Variants in MLLT6 observed in about 807,000 individuals in gnomAD.
The protein encoded by MLLT6 is MLLT6, PHD finger containing, also known as protein AF-17.
A neutral mutation model predicts 103.0 loss-of-function variants in MLLT6; 22 were observed. The observed-to-expected ratio is 0.21, with a 90% CI of 0.15 to 0.31. The LOEUF (loss-of-function observed/expected upper bound fraction) is 0.31. MLLT6 is among the 10% of genes least tolerant of loss of function. The pLI is 1.00. For missense variants in MLLT6, 1,199 were observed against 1,441.7 expected (o/e 0.83, Z 2.73); for synonymous variants, 606 against 623.5 (o/e 0.97, Z 0.42).
chr17:38,715,757 G>A lies in MLLT6; in HGVS notation c.965G>A (p.Ser322Asn), dbSNP rs1905310602. 6.2e-7 allele frequency: 1 copy of A among 1,613,870 alleles called. No individual in the cohort carries two copies. The highest frequency in any genetic ancestry group is 8.5e-7 in the Non-Finnish European group (1 of 1,179,948). Residue 322 changes from serine (S) to asparagine (N), a missense_variant, in exon 9 of 20, where the codon AGC becomes AAC. Physicochemically the swap from Ser to Asn is conservative, Grantham distance 46. Transcript: ENST00000621332. ...AAACTGAGCAGTGGGAAAGGTGTGA[G>A]CAGTTTTACCTCCGCCTCCTCTTCT... ...GKKLSSGKGV[S>N]SFTSASSSSS...
Position 38,716,647 on chromosome 17 carries a change from A to G in MLLT6, c.1317A>G (p.Ala439=). ...ACGTCACGGGGTCTGGGGCCTCGGC[A>G]GGCACCCACAAACGGATGCCCGCAC... ...SPHVTGSGAS[A]GTHKRMPALS... The change falls in exon 10 of 20, where the codon GCA becomes GCG. Residue 439 remains alanine, a synonymous_variant. Transcript: ENST00000621332. The surrounding 1 kb of genome is among the most constrained non-coding windows in gnomAD (Gnocchi z 5.6). 1 of 1,613,714 alleles carries G rather than the reference A, an allele frequency of 6.2e-7. No individual in the cohort carries two copies. Among genetic ancestry groups the G allele is most frequent in the Non-Finnish European group, 8.5e-7 (1 of 1,179,918 alleles).
At chr17:38,725,061 T>G in intron 19 of MLLT6, 85 bp downstream of exon 19, 1 of 1,023,194 alleles carries the variant, frequency 9.8e-7, no homozygotes, top group Admixed American at 2.9e-5. Context: ...ATCAGGTACC[T>G]CAGCAGGGGG....
chr17:38,709,169 G>A lies in MLLT6; in HGVS notation c.355-4G>A, dbSNP rs1184313178. The A allele has an allele frequency of 5.0e-6, 8 of 1,610,168 alleles. No homozygotes were observed. Among genetic ancestry groups the A allele is most frequent in the South Asian group, 1.1e-5 (1 of 90,810 alleles). Reference sequence around the variant, plus strand: ...GGAGGGGACGATTGCGCTGTGTCCTGCAGACCTGTTACATCTGCGAGGAGC... The same window carrying A: ...GGAGGGGACGATTGCGCTGTGTCCTACAGACCTGTTACATCTGCGAGGAGC... On this transcript the variant is annotated splice_polypyrimidine_tract_variant and splice_region_variant and intron_variant, in intron 4 of 19. Transcript: ENST00000621332. This position sits in a 1 kb window ranked among gnomAD's most constrained non-coding sequence, Gnocchi z 4.3.
At chr17:38,720,197 C>G in intron 14 of MLLT6, 175 bp from the exon 15 acceptor site, 1 of 718,030 alleles carries the variant, frequency 1.4e-6, no homozygotes, top group Non-Finnish European at 2.3e-6. Flanking sequence ...CAGGTCTTCA[C>G]ACCTGTGGCT....
rs1198105571 is a variant in MLLT6 at position 38,728,382 on chromosome 17, G to A, written c.*2784G>A. ...GGGACCCAGATTTGTAGATCTCTTT[G>A]TCTGGGGGAGGGGAAGGATGTGGTT... On this transcript the variant is annotated 3_prime_UTR_variant, in exon 20 of 20. Coordinates refer to ENST00000621332, the MANE Select transcript of MLLT6 (RefSeq NM_005937.4). The A allele has an allele frequency of 1.3e-5, 3 of 233,220 alleles. No homozygotes were observed. The highest frequency in any genetic ancestry group is 6.6e-5 in the African/African-American group (3 of 45,316). 14.4% of individuals were successfully genotyped at this position (233,220 alleles called of 1,614,324 possible).
At chr17:38,719,975 T>C in intron 14 of MLLT6, 80 bp downstream of exon 14, 1 of 1,472,536 alleles carries the variant, frequency 6.8e-7, no homozygotes, top group South Asian at 1.3e-5. Context: ...CCCAAGCTTC[T>C]TTAAGGTTCC....
chr17:38,711,786 G>A, intron 6 of MLLT6, 61 bp from the exon 7 acceptor site: 1 of 1,455,328 alleles, frequency 6.9e-7, no homozygotes, highest in Non-Finnish European at 9.1e-7. Flanking sequence ...CTAACCTTCT[G>A]GAAGCGTTCC....
intron 6 of MLLT6, among the ~76,000 whole-genome samples, chr17:38,711,560 A>G (rs988340245): frequency 6.6e-6 from 1 of 152,118 alleles, no homozygotes; most frequent in Admixed American, 6.5e-5. Context: ...CCCGGGCCCC[A>G]GTCTCACCTC....
intron 8 of MLLT6, 50 bp downstream of exon 8, chr17:38,712,839 G>A (rs1370861071): frequency 1.4e-6 from 2 of 1,404,836 alleles, no homozygotes; most frequent in Non-Finnish European, 2.0e-6. Flanking sequence ...TGGGGTGGCA[G>A]AGGGAGGGAG....
At position 38,722,770 on chromosome 17, in the gene MLLT6, T is replaced by G. The variant is rs777531674; in HGVS notation, c.2883+2T>G. Reference sequence around the variant, plus strand: ...CTGGCCTCCCCGCAGCTGACCCCGGTAATGCCCCTCCCTTCCCTGCCTCAG... The same window carrying G: ...CTGGCCTCCCCGCAGCTGACCCCGGGAATGCCCCTCCCTTCCCTGCCTCAG... On this transcript the variant is annotated splice_donor_variant, in intron 18 of 19. Transcript: ENST00000621332. LOFTEE classifies it high-confidence loss of function. The G allele has an allele frequency of 6.3e-7, 1 of 1,579,672 alleles. No homozygotes were observed. Among genetic ancestry groups the G allele is most frequent in the South Asian group, 1.1e-5 (1 of 90,594 alleles).
Position 38,716,066 on chromosome 17 carries a change from C to G in MLLT6, c.1036+238C>G. On this transcript the variant is annotated intron_variant, in intron 9 of 19. Transcript: ENST00000621332. This position sits in a 1 kb window ranked among gnomAD's most constrained non-coding sequence, Gnocchi z 5.6. ...AACCTCATAACAGTATTCCTTATCC[C>G]CTACATTTGTGCTGCAAGGTACAAT... 3.3e-6 allele frequency: 2 copies of G among 603,694 alleles called. No homozygotes were observed. Among genetic ancestry groups the G allele is most frequent in the Non-Finnish European group, 5.8e-6 (2 of 342,922 alleles). The allele number at this position is 603,694 out of a possible 1,614,324, so 37.4% of individuals were successfully genotyped here.
Position 38,717,500 on chromosome 17 carries a change from CCT to C in MLLT6, c.1726_1727del (p.Ser576LeufsTer45). ...GATGCTGCGGGCTGTCTGCAGCACC[CCT>C]CTCTCCTCCAGCCTCCTGGGGCCCC... ...GGMLRAVCSTPLSSSLLGPPG... is the reference protein window; with the variant it reads ...GGMLRAVCSTXLSSSLLGPPG... On this transcript the variant is annotated frameshift_variant, in exon 11 of 20. Coordinates refer to ENST00000621332, the MANE Select transcript of MLLT6 (RefSeq NM_005937.4). LOFTEE classifies it high-confidence loss of function. The C allele has an allele frequency of 6.2e-7, 1 of 1,613,280 alleles. No homozygotes were observed. The highest frequency in any genetic ancestry group is 8.5e-7 in the Non-Finnish European group (1 of 1,179,926).
rs746432320 is a variant in MLLT6, at chr17:38,722,715, G to A, written c.2830G>A (p.Glu944Lys). 2 of 1,580,056 alleles carry A rather than the reference G, an allele frequency of 1.3e-6. No homozygotes were observed. The highest frequency in any genetic ancestry group is 1.7e-6 in the Non-Finnish European group (2 of 1,167,174). Residue 944 changes from glutamate to lysine, a missense_variant, in exon 18 of 20, where the codon GAG (glutamate) becomes AAG (lysine). Transcript: ENST00000621332. ...GCAGAGACATCTCCTTCAGCAGCAA[G>A]AGCAGCAGCTCCAGCAACTCCAGCA... is the stretch of plus-strand genomic sequence containing the variant. Reference protein sequence around the residue: ...EQQRHLLQQQEQQLQQLQQLL... With the variant: ...EQQRHLLQQQKQQLQQLQQLL...
At position 38,712,018 on chromosome 17, in the gene MLLT6, GA is replaced by G; in HGVS notation, c.720+6del. 6.4e-7 allele frequency: 1 copy of G among 1,555,472 alleles called. No homozygotes were observed. Among genetic ancestry groups the G allele is most frequent in the Non-Finnish European group, 8.7e-7 (1 of 1,149,748 alleles). ...CCACGAGAGGGGCCAGAAGAAGGTA[GA>G]AGTCCTCCCCCACCTGCCATCACTC... is the stretch of plus-strand genomic sequence containing the variant. On this transcript the variant is annotated splice_donor_5th_base_variant and intron_variant, in intron 7 of 19. Coordinates refer to ENST00000621332, the MANE Select transcript of MLLT6 (RefSeq NM_005937.4).
Position 38,716,334 on chromosome 17 carries a change from G to A in MLLT6, c.1037-33G>A, listed in dbSNP as rs761890310. 1.3e-5 allele frequency: 20 copies of A among 1,588,730 alleles called. No individual in the cohort carries two copies. In the South Asian group the frequency reaches 2.1e-4, roughly 16 times the overall value. Reference sequence around the variant, plus strand: ...GTGGGAGGGAGTGCGGGGATCTGGGGTCCAGCTGTAACTGTTTCCCCTCTG... The same window carrying A: ...GTGGGAGGGAGTGCGGGGATCTGGGATCCAGCTGTAACTGTTTCCCCTCTG... On this transcript the variant is annotated intron_variant, in intron 9 of 19. Coordinates refer to ENST00000621332, the MANE Select transcript of MLLT6 (RefSeq NM_005937.4). The surrounding 1 kb of genome is among the most constrained non-coding windows in gnomAD (Gnocchi z 5.6).
In MLLT6 at chr17:38,727,857, C is replaced by G. The variant is rs1183583661; in HGVS notation, c.*2259C>G. On this transcript the variant is annotated 3_prime_UTR_variant, in exon 20 of 20. Transcript: ENST00000621332. Reference sequence around the variant, plus strand: ...CTTAGAAGAGTTGCTCATTCACACCCACGCCCTTGCCCAAGGCTGGCCCAC... The same window carrying G: ...CTTAGAAGAGTTGCTCATTCACACCGACGCCCTTGCCCAAGGCTGGCCCAC... 4.3e-6 allele frequency: 1 copy of G among 233,078 alleles called. No homozygotes were observed. Among genetic ancestry groups the G allele is most frequent in the African/African-American group, 2.2e-5 (1 of 45,338 alleles). 14.4% of individuals were successfully genotyped at this position (233,078 alleles called of 1,614,324 possible).
intron 16 of MLLT6, 161 bp downstream of exon 16, chr17:38,720,908 G>A (rs1441383569): frequency 1.5e-6 from 1 of 676,666 alleles, no homozygotes; most frequent in Admixed American, 2.7e-5. Context: ...TTTATGAGGT[G>A]CCCACTTAGT....
chr17:38,720,522 C>G lies in MLLT6; in HGVS notation c.2306C>G (p.Pro769Arg). 2 of 1,611,750 alleles carry G rather than the reference C, an allele frequency of 1.2e-6. No individual in the cohort carries two copies. Among genetic ancestry groups the G allele is most frequent in the East Asian group, 2.2e-5 (1 of 44,834 alleles). The change falls in exon 15 of 20, where the codon CCT becomes CGT. Residue 769 changes from proline to arginine, a missense_variant. Around this residue, in one of 7 missense-constraint regions of MLLT6, gnomAD observed 1,034 missense variants for 1,091.5 expected, o/e 0.95. Coordinates refer to ENST00000621332, the MANE Select transcript of MLLT6 (RefSeq NM_005937.4). ...VPFPALPAALPAANGPVPGPY... is the reference protein window; with the variant it reads ...VPFPALPAALRAANGPVPGPY... ...TTCCCTGCCCTGCCTGCTGCCCTGC[C>G]TGCCGCCAACGGCCCTGTCCCTGGG...
Position 38,720,380 on chromosome 17 carries a change from A to T in MLLT6, c.2164A>T (p.Met722Leu), listed in dbSNP as rs754377106. The T allele has an allele frequency of 7.3e-7, 1 of 1,362,322 alleles. No individual in the cohort carries two copies. The highest frequency in any genetic ancestry group is 1.1e-5 in the South Asian group (1 of 88,058). The allele number at this position is 1,362,322 out of a possible 1,614,324, so 84.4% of individuals were successfully genotyped here. ...DGEAGVNIVE[M>L]LKALHALQKE... ...CCTCGCTCTCTCCGCAGTCGTGGAG[A>T]TGCTGAAGGCGCTGCACGCGCTGCA... The change falls in exon 15 of 20, where the codon ATG becomes TTG. Residue 722 changes from methionine (M) to leucine (L), a missense_variant. Around this residue, in one of 7 missense-constraint regions of MLLT6, gnomAD observed 1,034 missense variants for 1,091.5 expected, o/e 0.95. Transcript: ENST00000621332.
Sources: gnomAD v4.1 joint callset for allele counts (sites outside exome capture counted in the v4.1 genomes callset) on GRCh38, gnomAD v4.1.1 for gene constraint, gnomAD v4.1.1 regional missense constraint, Gnocchi (gnomAD v3.1) non-coding constraint, MANE v1.5 for transcripts, NCBI Gene and HGNC (gene_info 2026-07-23, HGNC 2026-07-21) for gene names.